The following ACTN2 variants were observed in gnomAD, a reference collection of about 807,000 sequenced individuals.
The protein encoded by ACTN2 is actinin alpha 2.
Under a neutral mutation model 113.8 loss-of-function variants are expected in ACTN2, and 39 were observed. The observed-to-expected ratio is 0.34, with a 90% CI of 0.27 to 0.45. The LOEUF is 0.45. Ranked by LOEUF, ACTN2 falls within the 20% of genes least tolerant of loss-of-function variation. ACTN2 has a pLI of 1.00. For synonymous variants in ACTN2, 429 were observed against 444.1 expected, an observed-to-expected ratio of 0.97 and a Z score of 0.43; for missense variants, 992 against 1,177.9, an observed-to-expected ratio of 0.84 and a Z score of 2.31.
At chr1:236,759,811 T>C in intron 19 of ACTN2, 22 bp downstream of exon 19, 1 of 1,599,650 alleles carries the variant, frequency 6.3e-7, no homozygotes. Context: ...GTTGAAATTG[T>C]ACTAAGATTT....
chr1:236,724,849 T>C (rs1658504363), intron 4 of ACTN2, among the ~76,000 whole-genome samples: 1 of 150,090 alleles, frequency 6.7e-6, no homozygotes, highest in Non-Finnish European at 1.5e-5. Context: ...TTTTTTTTTT[T>C]TTTTTTTTTT....
intron 1 of ACTN2, among the ~76,000 whole-genome samples, chr1:236,715,357 C>G (rs35601280): frequency 0.11 from 15,396 of 135,678 alleles, 2,229 homozygotes; most frequent in African/African-American, 0.34. Flanking sequence ...AAACCTATTA[C>G]TCATTCAAAA....
At chr1:236,728,002 A>G (rs1658603977) in intron 6 of ACTN2, among the ~76,000 whole-genome samples, 2 of 152,158 alleles carry the variant, frequency 1.3e-5, no homozygotes, top group South Asian at 4.1e-4. Flanking sequence ...TTTTGCCCAT[A>G]TCAAGATATG....
chr1:236,703,393 A>C (rs1056105517), intron 1 of ACTN2, among the ~76,000 whole-genome samples: 2 of 147,994 alleles, frequency 1.4e-5, no homozygotes, highest in Admixed American at 6.7e-5. Flanking sequence ...TCAAATGACC[A>C]GGCACCAATA....
rs1172205052 is a variant in ACTN2 at position 236,762,680 on chromosome 1, G to T, written c.*61G>T. On this transcript the variant is annotated 3_prime_UTR_variant, in exon 21 of 21. Transcript: ENST00000366578. ...GCAATAAAAGCGGAAGTCACAGTTT[G>T]TTTCCTGGAAACTTTGACAAGCTTT... 1 of 1,577,352 alleles carries T rather than the reference G, an allele frequency of 6.3e-7. No homozygotes were observed. Among genetic ancestry groups the T allele is most frequent in the East Asian group, 2.3e-5 (1 of 43,484 alleles).
Position 236,744,762 on chromosome 1 carries a change from C to G in ACTN2, c.1392C>G (p.Ile464Met). 6.2e-7 allele frequency: 1 copy of G among 1,614,108 alleles called. No individual in the cohort carries two copies. Among genetic ancestry groups the G allele is most frequent in the Non-Finnish European group, 8.5e-7 (1 of 1,180,012 alleles). Residue 464 changes from isoleucine (I) to methionine (M), a missense_variant, in exon 12 of 21, where the codon ATC becomes ATG. Transcript: ENST00000366578. ...ACCGCGTGGAGCAGATCGCAGCCAT[C>G]GCGCAGGAGCTCAAGTATGTGCAGA... ...HQDRVEQIAAIAQELNELDYH... is the reference protein window; with the variant it reads ...HQDRVEQIAAMAQELNELDYH...
intron 4 of ACTN2, among the ~76,000 whole-genome samples, chr1:236,723,298 T>C (rs1658454854): frequency 6.6e-6 from 1 of 152,236 alleles, no homozygotes; most frequent in African/African-American, 2.4e-5. Flanking sequence ...TAATTAAGTC[T>C]TAACAGTTTC....
intron 1 of ACTN2, among the ~76,000 whole-genome samples, chr1:236,698,123 G>A (rs925322379): frequency 2.0e-5 from 3 of 151,660 alleles, no homozygotes; most frequent in Non-Finnish European, 2.9e-5. Flanking sequence ...ATTTACTTAC[G>A]GTGGTGTGCT....
In ACTN2 at chr1:236,752,596, G is replaced by T. The variant is rs147303929; in HGVS notation, c.1839+944G>T. Among the ~76,000 whole-genome samples, 445 of 152,134 alleles carry T rather than the reference G, an allele frequency of 2.9e-3. 1 individual carries two copies. The highest frequency in any genetic ancestry group is 0.01 in the African/African-American group (421 of 41,488). ...AGACAGAGTCTCACTCTGTTGCCCA[G>T]GCTAGAGTGCAGAGGCAAAATCTCG... is the stretch of plus-strand genomic sequence containing the variant. On this transcript the variant is annotated intron_variant, in intron 15 of 20. Coordinates refer to ENST00000366578, the MANE Select transcript of ACTN2 (RefSeq NM_001103.4).
chr1:236,695,703 T>C lies in ACTN2; in HGVS notation c.126+8904T>C, dbSNP rs376223533. 9.9e-5 allele frequency among the ~76,000 whole-genome samples: 15 copies of C among 152,234 alleles called. No individual in the cohort carries two copies. The East Asian group carries it at 2.1e-3, about 22-fold the overall frequency. The stretch of plus-strand genomic sequence containing the variant: ...AAATTTTTTTGAAGATGCAGTGTGC[T>C]TCACAGTGCTGGAATTGGAAAATGG... On this transcript the variant is annotated intron_variant, in intron 1 of 20. Transcript: ENST00000366578.
Position 236,762,733 on chromosome 1 carries a change from A to T in ACTN2, c.*114A>T. 3.0e-6 allele frequency: 4 copies of T among 1,350,488 alleles called. No homozygotes were observed. Among genetic ancestry groups the T allele is most frequent in the Non-Finnish European group, 4.1e-6 (4 of 976,028 alleles). The allele number at this position is 1,350,488 out of a possible 1,614,324, so 83.7% of individuals were successfully genotyped here. A position where few individuals can be genotyped will look rare whatever the true frequency, so the allele number is the denominator to read the frequency against. The stretch of plus-strand genomic sequence containing the variant: ...TAAGTTGAGAGAGAGAGAGGGGAAA[A>T]AAAAAAGCCTTTCGTAGTTCAGTAA... On this transcript the variant is annotated 3_prime_UTR_variant, in exon 21 of 21. Transcript: ENST00000366578.
intron 15 of ACTN2, 74 bp downstream of exon 15, chr1:236,751,726 T>C (rs1279402347): frequency 6.4e-7 from 1 of 1,570,658 alleles, no homozygotes; most frequent in Non-Finnish European, 8.7e-7. Flanking sequence ...AGTTAACGCC[T>C]CGGGGACTTA....
chr1:236,728,404 A>G lies in ACTN2; in HGVS notation c.615+648A>G, dbSNP rs998081187. Among the ~76,000 whole-genome samples the G allele has an allele frequency of 1.6e-4, 25 of 152,182 alleles. 1 individual carries two copies. In the South Asian group the frequency reaches 3.7e-3, roughly 23 times the overall value. On this transcript the variant is annotated intron_variant, in intron 6 of 20. Coordinates refer to ENST00000366578, the MANE Select transcript of ACTN2 (RefSeq NM_001103.4). ...GTGATCCGCCCGCCTCAGCCTCCCA[A>G]AGTGCTGGGATTACAGGCGTGAGCC...
chr1:236,731,197 T>C, intron 6 of ACTN2, 36 bp from the exon 7 acceptor site: 1 of 1,525,504 alleles, frequency 6.6e-7, no homozygotes, highest in East Asian at 2.3e-5. Context: ...TTTCAAAATA[T>C]ATTTTAAAAA....
At chr1:236,737,674 C>T (rs1289295359) in intron 9 of ACTN2, among the ~76,000 whole-genome samples, 5 of 151,806 alleles carry the variant, frequency 3.3e-5, no homozygotes, top group South Asian at 2.1e-4. Flanking sequence ...GGAGCTGGCT[C>T]GGGCTCGTGT....
Position 236,739,455 on chromosome 1 carries a change from A to G in ACTN2, c.1030A>G (p.Asn344Asp). 1 of 1,614,158 alleles carries G rather than the reference A, an allele frequency of 6.2e-7. No homozygotes were observed. The highest frequency in any genetic ancestry group is 8.5e-7 in the Non-Finnish European group (1 of 1,180,034). ...KVQEKCQLEI[N>D]FNTLQTKLRI... ...GCAGGAGAAATGCCAGCTGGAGATCAACTTCAACACGCTGCAGACCAAGCT... is the reference window on the plus strand; with the variant it reads ...GCAGGAGAAATGCCAGCTGGAGATCGACTTCAACACGCTGCAGACCAAGCT... The change falls in exon 10 of 21, where the codon AAC becomes GAC. Residue 344 changes from asparagine to aspartate, a missense_variant. By Grantham distance (23) the Asn-to-Asp change is conservative. Around this residue, in one of 3 missense-constraint regions of ACTN2, gnomAD observed 736 missense variants for 815.4 expected, o/e 0.90. Transcript: ENST00000366578.
rs7532533 is a variant in ACTN2, at chr1:236,763,343, G to C, written c.*724G>C. ...CACGTGGAAGTCAGTTTAATTGCCAGAGAGAAGGATGCAATCACTAGGTAA... is the reference window on the plus strand; with the variant it reads ...CACGTGGAAGTCAGTTTAATTGCCACAGAGAAGGATGCAATCACTAGGTAA... On this transcript the variant is annotated 3_prime_UTR_variant, in exon 21 of 21. Transcript: ENST00000366578. 0.19 allele frequency: 28,870 copies of C among 152,604 alleles called. 3,019 individuals carry two copies. The highest frequency in any genetic ancestry group is 0.27 in the African/African-American group (11,300 of 41,490). The allele number at this position is 152,604 out of a possible 1,614,324, so 9.5% of individuals were successfully genotyped here. A position where few individuals can be genotyped will look rare whatever the true frequency, so the allele number is the denominator to read the frequency against.
chr1:236,755,179 A>C lies in ACTN2; in HGVS notation c.2135A>C (p.His712Pro). ...IQEALVFDNK[H>P]TNYTMEHIRV... ...GAGGCCCTTGTCTTTGACAACAAGC[A>C]CACGAACTACACGATGGAGGTACGG... Residue 712 changes from histidine (H) to proline (P), a missense_variant, in exon 17 of 21, where the codon CAC becomes CCC. Physicochemically the swap from His to Pro is moderately conservative, Grantham distance 77. Coordinates refer to ENST00000366578, the MANE Select transcript of ACTN2 (RefSeq NM_001103.4). 2 of 1,614,098 alleles carry C rather than the reference A, an allele frequency of 1.2e-6. No individual in the cohort carries two copies. Among genetic ancestry groups the C allele is most frequent in the East Asian group, 2.2e-5 (1 of 44,868 alleles).
intron 1 of ACTN2, among the ~76,000 whole-genome samples, chr1:236,701,394 A>G (rs1657669924): frequency 6.6e-6 from 1 of 152,182 alleles, no homozygotes; most frequent in Non-Finnish European, 1.5e-5. Flanking sequence ...TATCTCATAT[A>G]TAGTCTAGTA....
Sources: allele counts gnomAD v4.1 joint callset (sites outside exome capture counted in the v4.1 genomes callset), GRCh38; gene constraint gnomAD v4.1.1; regional missense constraint gnomAD v4.1.1; transcripts MANE v1.5; gene names NCBI Gene and HGNC (gene_info 2026-07-23, HGNC 2026-07-21).